Variants in PDE1A observed in about 807,000 individuals in gnomAD.
The protein encoded by PDE1A is dual specificity calcium/calmodulin-dependent 3',5'-cyclic nucleotide phosphodiesterase 1A.
In PDE1A, 35 loss-of-function variants were observed where a neutral mutation model predicts 61.7. That is an observed-to-expected ratio of 0.57 (90% CI 0.43 to 0.75). The LOEUF is 0.75. Among genes scored for constraint, PDE1A ranks in the 30% least tolerant of loss-of-function variants. The pLI, the probability that PDE1A is intolerant of heterozygous loss-of-function variation, is 0.00. For missense variants in PDE1A, 597 were observed against 630.6 expected (o/e 0.95, Z 0.57); for synonymous variants, 232 against 213.2 (o/e 1.09, Z -0.77).
chr2:182,497,722 C>A (rs144599844), intron 2 of PDE1A, among the ~76,000 whole-genome samples: 3 of 152,020 alleles, frequency 2.0e-5, no homozygotes, highest in Non-Finnish European at 4.4e-5. Flanking sequence ...ACACAGGTAC[C>A]GGCATTTGGT....
At chr2:182,205,814 A>C in intron 8 of PDE1A, 126 bp downstream of exon 8, 1 of 753,116 alleles carries the variant, frequency 1.3e-6, no homozygotes, top group Non-Finnish European at 2.1e-6. Flanking sequence ...AGAGTCATCC[A>C]GTCGACAGTA....
At chr2:182,414,696 AAGGTCCTTCATTAGCTC>A (rs1702814552) in intron 1 of PDE1A, among the ~76,000 whole-genome samples, 1 of 152,174 alleles carries the variant, frequency 6.6e-6, no homozygotes, top group Admixed American at 6.5e-5. Flanking sequence ...GATTCAAGCG[AAGGTCCTTCATTAGCTC>A]AGTGTTGACA....
the PDE1A span, among the ~76,000 whole-genome samples, chr2:182,706,428 G>A: frequency 6.6e-6 from 1 of 152,110 alleles, no homozygotes; most frequent in Non-Finnish European, 1.5e-5. Context: ...CCCCTGGAAA[G>A]AGCATTTAGT....
At chr2:182,611,459 T>C in the PDE1A span, among the ~76,000 whole-genome samples, 2 of 152,250 alleles carry the variant, frequency 1.3e-5, no homozygotes, top group East Asian at 3.8e-4. Context: ...GCTACACTTT[T>C]CACCAAACTA....
chr2:182,673,408 A>G, the PDE1A span, among the ~76,000 whole-genome samples: 1 of 152,180 alleles, frequency 6.6e-6, no homozygotes, highest in East Asian at 1.9e-4. Flanking sequence ...AAGCACAAAG[A>G]GGTAAGAAAT....
chr2:182,177,888 A>C (rs930912736), intron 13 of PDE1A, among the ~76,000 whole-genome samples: 1 of 152,192 alleles, frequency 6.6e-6, no homozygotes. Context: ...AAATTCAAAG[A>C]AAAAAATAAG....
chr2:182,670,131 T>C, the PDE1A span, among the ~76,000 whole-genome samples: 1 of 152,358 alleles, frequency 6.6e-6, no homozygotes, highest in East Asian at 1.9e-4. Context: ...CTCTTCCCTG[T>C]ATATAAGTGC....
intron 13 of PDE1A, among the ~76,000 whole-genome samples, chr2:182,161,775 T>C (rs1691394523): frequency 6.6e-6 from 1 of 152,118 alleles, no homozygotes; most frequent in Non-Finnish European, 1.5e-5. Context: ...GGAATGGATA[T>C]TAAGGATGTG....
chr2:182,405,348 G>A (rs899883505), intron 1 of PDE1A, among the ~76,000 whole-genome samples: 2 of 152,224 alleles, frequency 1.3e-5, no homozygotes, highest in Non-Finnish European at 2.9e-5. Context: ...GCTATTGCAA[G>A]GAGGCTTATT....
chr2:182,218,142 C>T (rs1451870050), intron 7 of PDE1A, among the ~76,000 whole-genome samples: 3 of 150,214 alleles, frequency 2.0e-5, no homozygotes, highest in African/African-American at 7.4e-5. Context: ...AATTGGAAAA[C>T]ATCATTCTCA....
chr2:182,425,571 A>C (rs1196299228), intron 1 of PDE1A, among the ~76,000 whole-genome samples: 1 of 152,210 alleles, frequency 6.6e-6, no homozygotes, highest in East Asian at 1.9e-4. Context: ...GTTGCTATTA[A>C]TAATTCAGTA....
chr2:182,237,490 A>AACAAACAC (rs1040026303), intron 3 of PDE1A, among the ~76,000 whole-genome samples: 2 of 152,194 alleles, frequency 1.3e-5, no homozygotes, highest in Non-Finnish European at 2.9e-5. Flanking sequence ...AGAAAAACAA[A>AACAAACAC]ACAAACACAC....
At chr2:182,430,671 G>A (rs1159894193), upstream of PDE1A, among the ~76,000 whole-genome samples, 36 of 123,998 alleles carry the variant, frequency 2.9e-4, 1 homozygote, top group Admixed American at 2.3e-3. Flanking sequence ...TGTTTATTGC[G>A]GCACTATTCA....
chr2:182,461,576 A>T (rs1248698568), intron 2 of PDE1A, among the ~76,000 whole-genome samples: 2 of 152,168 alleles, frequency 1.3e-5, no homozygotes, highest in Non-Finnish European at 2.9e-5. Context: ...GCCATATCAT[A>T]ACCCATGATG....
chr2:182,537,647 T>C, the PDE1A span, among the ~76,000 whole-genome samples: 2,689 of 151,606 alleles, frequency 0.018, 70 homozygotes, highest in African/African-American at 0.061. Flanking sequence ...TAAAGTATAA[T>C]AAAAAGAAAT....
At chr2:182,422,493 T>G (rs1343755907) in intron 1 of PDE1A, among the ~76,000 whole-genome samples, 1 of 152,186 alleles carries the variant, frequency 6.6e-6, no homozygotes, top group Non-Finnish European at 1.5e-5. Context: ...AAAAATACTT[T>G]TACTGGTGCA....
intron 2 of PDE1A, among the ~76,000 whole-genome samples, chr2:182,447,172 T>C (rs1043246520): frequency 6.6e-6 from 1 of 151,692 alleles, no homozygotes; most frequent in Admixed American, 6.6e-5. Flanking sequence ...ATTTTAAATA[T>C]CACTGTTTAT....
chr2:182,684,876 G>A, the PDE1A span, among the ~76,000 whole-genome samples: 1 of 151,834 alleles, frequency 6.6e-6, no homozygotes, highest in South Asian at 2.1e-4. Context: ...TGATGTATTA[G>A]GTTATATTGG....
chr2:182,684,370 G>C, the PDE1A span, among the ~76,000 whole-genome samples: 1 of 151,964 alleles, frequency 6.6e-6, no homozygotes. Context: ...AAATAGCTGA[G>C]AAAAAATAAG....
Sources: gnomAD v4.1 joint callset for allele counts (sites outside exome capture counted in the v4.1 genomes callset) on GRCh38, gnomAD v4.1.1 for gene constraint, MANE v1.5 for transcripts, NCBI Gene and HGNC (gene_info 2026-07-23, HGNC 2026-07-21) for gene names.